Variants in MSI2 observed in about 807,000 individuals in gnomAD.
MSI2 encodes the protein musashi RNA binding protein 2.
Under a neutral mutation model 45.6 loss-of-function variants are expected in MSI2, and 17 were observed. The observed-to-expected ratio is 0.37, with a 90% CI of 0.26 to 0.56. The LOEUF is 0.56. Ranked by LOEUF, MSI2 falls within the 20% of genes least tolerant of loss-of-function variation. MSI2 has a pLI of 0.77. For synonymous variants in MSI2, 156 were observed against 158.2 expected (o/e 0.99, Z 0.11); for missense variants, 293 against 444.2 (o/e 0.66, Z 3.06).
In MSI2 at chr17:57,554,493, G is replaced by A. The variant is rs528557707; in HGVS notation, c.454+24769G>A. Among the ~76,000 whole-genome samples, 9 of 152,286 alleles carry A rather than the reference G, an allele frequency of 5.9e-5. No individual in the cohort carries two copies. In the East Asian group the frequency reaches 9.7e-4, roughly 16 times the overall value. ...GCAAGTAGTCAATGTGTGCACACGC[G>A]CTTGTTTGGGAAGCGTTAAAAAGCT... On this transcript the variant is annotated intron_variant, in intron 7 of 13. Transcript: ENST00000284073.
chr17:57,283,888 G>A (rs1452124584), intron 5 of MSI2, among the ~76,000 whole-genome samples: 2 of 152,218 alleles, frequency 1.3e-5, no homozygotes, highest in East Asian at 1.9e-4. Context: ...CGCATGGGAA[G>A]CACTCACGTT....
chr17:57,549,527 G>A (rs982126285), intron 7 of MSI2, among the ~76,000 whole-genome samples: 5 of 152,048 alleles, frequency 3.3e-5, no homozygotes, highest in East Asian at 1.9e-4. Flanking sequence ...CTATAATACC[G>A]TTTAGCTTTG....
chr17:57,417,734 C>T (rs9892791), intron 6 of MSI2, among the ~76,000 whole-genome samples: 1 of 151,938 alleles, frequency 6.6e-6, no homozygotes, highest in Non-Finnish European at 1.5e-5. Flanking sequence ...GGGATTTGGC[C>T]GCCCAAGGAA....
intron 6 of MSI2, among the ~76,000 whole-genome samples, chr17:57,414,369 G>A (rs1435149644): frequency 6.6e-6 from 1 of 151,618 alleles, no homozygotes; most frequent in Non-Finnish European, 1.5e-5. Flanking sequence ...ATTGGAGAAG[G>A]AGTTTCAAAG....
intron 6 of MSI2, among the ~76,000 whole-genome samples, chr17:57,463,046 C>T (rs780727087): frequency 1.6e-4 from 24 of 152,218 alleles, no homozygotes; most frequent in African/African-American, 5.3e-4. Context: ...CAGTTTTCAT[C>T]GCAACGAGTG....
At chr17:57,630,742 A>G (rs1909289666) in intron 10 of MSI2, 1 of 152,284 alleles carries the variant, frequency 6.6e-6, no homozygotes, top group African/African-American at 2.4e-5. Context: ...TCCAGTCAAG[A>G]GCGCAGGGAG....
intron 5 of MSI2, among the ~76,000 whole-genome samples, chr17:57,362,696 C>G (rs945376469): frequency 6.6e-6 from 1 of 151,968 alleles, no homozygotes; most frequent in Non-Finnish European, 1.5e-5. Context: ...TGTGCCTTCC[C>G]CCCATTCTTT....
At chr17:57,316,368 T>A (rs1912850576) in intron 5 of MSI2, among the ~76,000 whole-genome samples, 2 of 150,818 alleles carry the variant, frequency 1.3e-5, no homozygotes, top group Non-Finnish European at 3.0e-5. Flanking sequence ...ATCTCTGTCA[T>A]CCAGGCTGGA....
the MSI2 span, among the ~76,000 whole-genome samples, chr17:57,692,713 A>AGGTTT: frequency 8.7e-6 from 1 of 115,490 alleles, no homozygotes; most frequent in Non-Finnish European, 1.8e-5. Context: ...TTGTGTTGAC[A>AGGTTT]GGTTTTGTTT....
At chr17:57,519,823 C>T (rs566200990) in intron 6 of MSI2, among the ~76,000 whole-genome samples, 1 of 139,836 alleles carries the variant, frequency 7.2e-6, no homozygotes, top group African/African-American at 2.9e-5. Context: ...ACTACTGGCT[C>T]CACCATTTAC....
intron 6 of MSI2, among the ~76,000 whole-genome samples, chr17:57,493,360 CA>C (rs1272129775): frequency 6.6e-6 from 1 of 152,122 alleles, no homozygotes; most frequent in Admixed American, 6.5e-5. Flanking sequence ...TGATCTTCAG[CA>C]AAAGAGGAAG....
At chr17:57,446,403 C>T (rs565446425) in intron 6 of MSI2, among the ~76,000 whole-genome samples, 6 of 152,288 alleles carry the variant, frequency 3.9e-5, no homozygotes, top group Admixed American at 6.5e-5. Flanking sequence ...AGGAAGAATT[C>T]GCAGTGCCCT....
chr17:57,623,482 T>C (rs1314010400), intron 9 of MSI2, among the ~76,000 whole-genome samples: 3 of 152,200 alleles, frequency 2.0e-5, no homozygotes, highest in African/African-American at 7.2e-5. Flanking sequence ...GGACTCAAAA[T>C]GAGCTCAGTG....
chr17:57,296,601 A>G (rs905170705), intron 5 of MSI2, among the ~76,000 whole-genome samples: 2 of 152,254 alleles, frequency 1.3e-5, no homozygotes, highest in African/African-American at 2.4e-5. Context: ...AAATGTTTAC[A>G]TATTTAAAAA....
intron 5 of MSI2, among the ~76,000 whole-genome samples, chr17:57,313,858 G>C (rs992380824): frequency 6.6e-6 from 1 of 152,242 alleles, no homozygotes; most frequent in East Asian, 1.9e-4. Flanking sequence ...GATGACCAAA[G>C]AGGCGGGCCT....
intron 6 of MSI2, among the ~76,000 whole-genome samples, chr17:57,498,434 A>C (rs2086024375): frequency 6.6e-6 from 1 of 152,244 alleles, no homozygotes; most frequent in Admixed American, 6.5e-5. Context: ...CAGAGATGAG[A>C]ACACGAAAGC....
intron 5 of MSI2, among the ~76,000 whole-genome samples, chr17:57,395,992 C>T (rs930056581): frequency 2.0e-5 from 3 of 152,232 alleles, no homozygotes; most frequent in Admixed American, 2.0e-4. Context: ...ATTTTAACAT[C>T]TTTCCTGGGC....
chr17:57,425,083 TTC>T lies in MSI2; in HGVS notation c.405+23614_405+23615del, dbSNP rs548580646. Among the ~76,000 whole-genome samples the T allele has an allele frequency of 1.4e-4, 21 of 152,272 alleles. 1 individual carries two copies. The East Asian group carries it at 3.7e-3, about 27-fold the overall frequency. Reference sequence around the variant, plus strand: ...TGGAAATCATGGGCTATAAAAGCCTTTCTTCCCAGGGTGGCGGAGTGCACTAC... The same window carrying T: ...TGGAAATCATGGGCTATAAAAGCCTTTTCCCAGGGTGGCGGAGTGCACTAC... On this transcript the variant is annotated intron_variant, in intron 6 of 13. Coordinates refer to ENST00000284073, the MANE Select transcript of MSI2 (RefSeq NM_138962.4).
intron 7 of MSI2, among the ~76,000 whole-genome samples, chr17:57,544,916 A>G (rs555408206): frequency 5.9e-5 from 9 of 152,294 alleles, no homozygotes; most frequent in African/African-American, 1.2e-4. Flanking sequence ...GTAAAATACT[A>G]TGCCTCATAC....
Sources: allele counts gnomAD v4.1 joint callset (sites outside exome capture counted in the v4.1 genomes callset), GRCh38; gene constraint gnomAD v4.1.1; transcripts MANE v1.5; gene names NCBI Gene and HGNC (gene_info 2026-07-23, HGNC 2026-07-21).